Variants in MIPEP observed in about 807,000 individuals in gnomAD.
MIPEP encodes the protein mitochondrial intermediate peptidase.
MIPEP carries 79 observed loss-of-function variants against 90.3 expected under a neutral mutation model. The ratio of observed to expected loss-of-function variants is 0.87; its 90% CI spans 0.73 to 1.05. MIPEP has a LOEUF of 1.05. Ranked by LOEUF, MIPEP falls within the 50% of genes least tolerant of loss-of-function variation. The pLI is 0.00. For synonymous variants in MIPEP, 334 were observed against 315.8 expected (o/e 1.06, Z -0.61); for missense variants, 940 against 905.6 (o/e 1.04, Z -0.49).
chr13:23,755,068 A>G (rs1276247661), intron 18 of MIPEP, among the ~76,000 whole-genome samples: 3 of 152,228 alleles, frequency 2.0e-5, no homozygotes, highest in Admixed American at 2.0e-4. Context: ...TCATAGGGTT[A>G]CTAAGAAGAG....
At chr13:23,841,564 T>A (rs958893725) in intron 10 of MIPEP, 76 bp from the exon 11 acceptor site, 57 of 1,423,556 alleles carry the variant, frequency 4.0e-5, no homozygotes, top group Non-Finnish European at 5.2e-5. Flanking sequence ...TAACTTTTCA[T>A]TTAATACTTA....
chr13:23,794,472 C>T lies in MIPEP; in HGVS notation c.1848+11478G>A, dbSNP rs537096942. Among the ~76,000 whole-genome samples the T allele has an allele frequency of 5.3e-5, 8 of 152,274 alleles. No individual in the cohort carries two copies. The South Asian group carries it at 1.5e-3, about 28-fold the overall frequency. ...ATGGTCCCTGTGTCCGGCTCTCATT[C>T]CTTGTGAGTAAAAACGGGACTTACC... On this transcript the variant is annotated intron_variant, in intron 16 of 18. Coordinates refer to ENST00000382172, the MANE Select transcript of MIPEP (RefSeq NM_005932.4).
At chr13:23,865,522 T>C (rs2137508519) in intron 7 of MIPEP, among the ~76,000 whole-genome samples, 1 of 152,334 alleles carries the variant, frequency 6.6e-6, no homozygotes, top group Admixed American at 6.5e-5. Context: ...AAATCTCATT[T>C]TAGGATTATA....
chr13:23,744,429 T>C (rs937298830), intron 18 of MIPEP, among the ~76,000 whole-genome samples: 6 of 152,194 alleles, frequency 3.9e-5, no homozygotes, highest in African/African-American at 9.7e-5. Context: ...AAAAACTTCC[T>C]GGTATAATGA....
At chr13:23,870,703 G>A (rs984361719) in intron 5 of MIPEP, among the ~76,000 whole-genome samples, 1 of 152,068 alleles carries the variant, frequency 6.6e-6, no homozygotes, top group Non-Finnish European at 1.5e-5. Flanking sequence ...TACTCAAGAG[G>A]CTGAGGCACG....
chr13:23,811,931 T>C (rs1265949583), intron 14 of MIPEP, among the ~76,000 whole-genome samples: 4 of 152,110 alleles, frequency 2.6e-5, no homozygotes, highest in Admixed American at 1.3e-4. Context: ...GTTTTCCACT[T>C]AGCTGGCCCT....
intron 16 of MIPEP, among the ~76,000 whole-genome samples, chr13:23,770,930 T>G (rs1489484227): frequency 6.6e-6 from 1 of 152,184 alleles, no homozygotes; most frequent in African/African-American, 2.4e-5. Context: ...CTTTCCTCTG[T>G]ACCTCTGCAT....
chr13:23,852,534 G>A (rs897742652), intron 10 of MIPEP, among the ~76,000 whole-genome samples: 3 of 152,166 alleles, frequency 2.0e-5, no homozygotes, highest in Admixed American at 2.0e-4. Context: ...CATTGTAGCT[G>A]TCATGTCAGA....
intron 10 of MIPEP, among the ~76,000 whole-genome samples, chr13:23,847,463 C>CAAAAA (rs1566015969): frequency 0.036 from 475 of 13,188 alleles, 1 homozygote; most frequent in African/African-American, 0.057. Flanking sequence ...CAAATCCAAG[C>CAAAAA]TAAAAAAAAA....
At position 23,886,200 on chromosome 13, in the gene MIPEP, C is replaced by A. The variant is rs1644135837; in HGVS notation, c.363+133G>T. On this transcript the variant is annotated intron_variant, in intron 2 of 18. Coordinates refer to ENST00000382172, the MANE Select transcript of MIPEP (RefSeq NM_005932.4). ...CATATTTCATCATAAAAAATTATACCCAATGGATCTCAGTTTCAGACATTT... is the reference window on the plus strand; with the variant it reads ...CATATTTCATCATAAAAAATTATACACAATGGATCTCAGTTTCAGACATTT... The A allele has an allele frequency of 6.6e-6, 4 of 605,054 alleles. No homozygotes were observed. The Admixed American group carries it at 1.3e-4, about 19-fold the overall frequency. 37.5% of individuals were successfully genotyped at this position (605,054 alleles called of 1,614,324 possible).
At chr13:23,824,221 C>G (rs544938324) in intron 14 of MIPEP, among the ~76,000 whole-genome samples, 6 of 152,316 alleles carry the variant, frequency 3.9e-5, no homozygotes, top group African/African-American at 1.4e-4. Context: ...TATTCTCTAA[C>G]ATTTCACAAT....
chr13:23,796,186 A>G (rs970573929), intron 16 of MIPEP, among the ~76,000 whole-genome samples: 9 of 152,138 alleles, frequency 5.9e-5, no homozygotes, highest in African/African-American at 2.2e-4. Context: ...TGGGAGGCCG[A>G]GGTGGGCGGA....
Position 23,843,202 on chromosome 13 carries a change from A to G in MIPEP, c.1107-1714T>C, listed in dbSNP as rs151097773. 8.5e-5 allele frequency among the ~76,000 whole-genome samples: 13 copies of G among 152,238 alleles called. No individual in the cohort carries two copies. The East Asian group carries it at 1.9e-3, about 23-fold the overall frequency. ...AGGAATTCTAGGCAGAAGCGACAGT[A>G]TAACTAAAGTATGATGGCATAAAAT... On this transcript the variant is annotated intron_variant, in intron 10 of 18. Transcript: ENST00000382172.
intron 10 of MIPEP, among the ~76,000 whole-genome samples, chr13:23,846,959 G>A (rs1409706692): frequency 6.6e-6 from 1 of 152,060 alleles, no homozygotes; most frequent in African/African-American, 2.4e-5. Context: ...ATCACCCTAT[G>A]TTACAATGGA....
At position 23,738,726 on chromosome 13, in the gene MIPEP, A is replaced by T. The variant is rs549904757; in HGVS notation, c.2045-8281T>A. Among the ~76,000 whole-genome samples the T allele has an allele frequency of 2.0e-3, 298 of 152,196 alleles. 4 individuals are homozygous for T. Among genetic ancestry groups the T allele is most frequent in the African/African-American group, 6.9e-3 (288 of 41,526 alleles). Reference sequence around the variant, plus strand: ...GCCTCTGAAAGTGCCCCATGGGATTACAGGCGTGCGCCTCTGTGACTGGCT... The same window carrying T: ...GCCTCTGAAAGTGCCCCATGGGATTTCAGGCGTGCGCCTCTGTGACTGGCT... On this transcript the variant is annotated intron_variant, in intron 18 of 18. Coordinates refer to ENST00000382172, the MANE Select transcript of MIPEP (RefSeq NM_005932.4).
chr13:23,857,933 T>C (rs1405923307), intron 10 of MIPEP, among the ~76,000 whole-genome samples: 1 of 152,126 alleles, frequency 6.6e-6, no homozygotes, highest in East Asian at 1.9e-4. Flanking sequence ...TAAAGCTTAA[T>C]ACCAAATAAA....
At chr13:23,812,613 C>A (rs549653847) in intron 14 of MIPEP, among the ~76,000 whole-genome samples, 1 of 152,054 alleles carries the variant, frequency 6.6e-6, no homozygotes, top group Non-Finnish European at 1.5e-5. Context: ...TCACTCTCCC[C>A]GTCCCTCGCT....
At chr13:23,731,973 T>TC (rs1184273600) in intron 18 of MIPEP, among the ~76,000 whole-genome samples, 1 of 140,574 alleles carries the variant, frequency 7.1e-6, no homozygotes, top group Non-Finnish European at 1.5e-5. Context: ...AGCTAATTTT[T>TC]TTTTTTTTTT....
chr13:23,739,227 A>T (rs941859205), intron 18 of MIPEP, among the ~76,000 whole-genome samples: 1 of 152,222 alleles, frequency 6.6e-6, no homozygotes, highest in East Asian at 1.9e-4. Flanking sequence ...TATGGCCTAC[A>T]GATCTGTAGT....
Sources: gnomAD v4.1 joint callset for allele counts (sites outside exome capture counted in the v4.1 genomes callset) on GRCh38, gnomAD v4.1.1 for gene constraint, MANE v1.5 for transcripts, NCBI Gene and HGNC (gene_info 2026-07-23, HGNC 2026-07-21) for gene names.